Variants in SMG7 observed in about 807,000 individuals in gnomAD.
SMG7 encodes SMG7 nonsense mediated mRNA decay factor, also known as nonsense-mediated mRNA decay factor SMG7.
Under a neutral mutation model 148.2 loss-of-function variants are expected in SMG7, and 34 were observed. The observed-to-expected ratio is 0.23, with a 90% CI of 0.17 to 0.31. The LOEUF (loss-of-function observed/expected upper bound fraction) is 0.31, where lower values mean the gene tolerates loss of function less well. Among genes scored for constraint, SMG7 ranks in the 10% least tolerant of loss-of-function variants. The pLI, the probability that SMG7 is intolerant of heterozygous loss-of-function variation, is 1.00. For missense variants in SMG7, 1,114 were observed against 1,408.4 expected (o/e 0.79, Z 3.35); for synonymous variants, 492 against 515.1 (o/e 0.96, Z 0.61).
chr1:183,495,272 T>C (rs1658208318), intron 1 of SMG7, among the ~76,000 whole-genome samples: 1 of 152,200 alleles, frequency 6.6e-6, no homozygotes, highest in Non-Finnish European at 1.5e-5. Context: ...TTTATAGGCT[T>C]ATAATTTTCA....
intron 1 of SMG7, chr1:183,502,202 G>GTTC (rs1659890270): frequency 1.7e-6 from 2 of 1,208,078 alleles, no homozygotes; most frequent in African/African-American, 3.1e-5. Flanking sequence ...CTTCATAGGG[G>GTTC]TTCTCTGTTA....
At chr1:183,521,180 C>T (rs1339529282) in intron 4 of SMG7, among the ~76,000 whole-genome samples, 2 of 151,588 alleles carry the variant, frequency 1.3e-5, no homozygotes, top group Non-Finnish European at 2.9e-5. Context: ...CTCACTGCAA[C>T]CTCCGCCTCC....
At chr1:183,477,742 ATGTG>A (rs1222751677) in intron 1 of SMG7, among the ~76,000 whole-genome samples, 1 of 146,306 alleles carries the variant, frequency 6.8e-6, no homozygotes. Flanking sequence ...GCATATATAC[ATGTG>A]TGTGCATATG....
At chr1:183,551,787 C>G in intron 22 of SMG7, 31 bp from the exon 23 acceptor site, 2 of 1,530,336 alleles carry the variant, frequency 1.3e-6, no homozygotes, top group Non-Finnish European at 1.8e-6. Flanking sequence ...GGCATTTGAC[C>G]TCTGCTGACA....
intron 1 of SMG7, among the ~76,000 whole-genome samples, chr1:183,507,452 G>A (rs1661175296): frequency 6.6e-6 from 1 of 152,070 alleles, no homozygotes; most frequent in Non-Finnish European, 1.5e-5. Context: ...ATGGTTAGGA[G>A]TTATACTCTG....
At chr1:183,509,779 T>TGTCAG (rs1661730844) in intron 1 of SMG7, among the ~76,000 whole-genome samples, 1 of 152,186 alleles carries the variant, frequency 6.6e-6, no homozygotes, top group Non-Finnish European at 1.5e-5. Flanking sequence ...TTTTGTGACA[T>TGTCAG]TTTTATATTT....
At position 183,546,162 on chromosome 1, in the gene SMG7, C is replaced by T. The variant is rs1669892652; in HGVS notation, c.2567C>T (p.Pro856Leu). The T allele has an allele frequency of 6.2e-7, 1 of 1,613,910 alleles. No homozygotes were observed. Among genetic ancestry groups the T allele is most frequent in the Admixed American group, 1.7e-5 (1 of 59,982 alleles). The change falls in exon 17 of 23, where the codon CCA becomes CTA. Residue 856 changes from proline (P) to leucine (L), a missense_variant. Pro to Leu is a moderately conservative substitution (Grantham distance 98). This residue lies in a region of SMG7 where 788 missense variants were observed against 894.5 expected (regional missense o/e 0.88). Coordinates refer to ENST00000688051, the MANE Select transcript of SMG7 (RefSeq NM_001375584.1). ...AAAATGAAGCCTTTTCCCATGGAGC[C>T]ATATAACCATAATCCCTCAGAAGTC... ...EKKMKPFPME[P>L]YNHNPSEVKV... is the part of the protein sequence containing the mutation.
chr1:183,539,310 G>A (rs917576989), intron 12 of SMG7, among the ~76,000 whole-genome samples: 13 of 151,984 alleles, frequency 8.6e-5, no homozygotes, highest in Admixed American at 3.3e-4. Context: ...TGAGTCCGTC[G>A]ATTTCCTTCC....
chr1:183,490,627 A>C (rs527667470), intron 1 of SMG7, among the ~76,000 whole-genome samples: 1 of 152,334 alleles, frequency 6.6e-6, no homozygotes, highest in East Asian at 1.9e-4. Flanking sequence ...CATTTTATGC[A>C]TATACAGATA....
Position 183,551,903 on chromosome 1 carries a change from G to T in SMG7, c.3536G>T (p.Gly1179Val), listed in dbSNP as rs764572787. 6.2e-7 allele frequency: 1 copy of T among 1,613,760 alleles called. No individual in the cohort carries two copies. Among genetic ancestry groups the T allele is most frequent in the Admixed American group, 1.7e-5 (1 of 60,014 alleles). ...LMQQKQKQQRGQGTMNPPH is the reference protein window; with the variant it reads ...LMQQKQKQQRVQGTMNPPH ...CAGCAGAAGCAGAAACAGCAACGGGGACAAGGCACCATGAACCCTCCACAC... is the reference window on the plus strand; with the variant it reads ...CAGCAGAAGCAGAAACAGCAACGGGTACAAGGCACCATGAACCCTCCACAC... The change falls in exon 23 of 23, where the codon GGA becomes GTA. Residue 1179 changes from glycine (G) to valine (V), a missense_variant. Transcript: ENST00000688051.
chr1:183,523,767 A>G (rs1159588476), intron 4 of SMG7, among the ~76,000 whole-genome samples: 1 of 152,122 alleles, frequency 6.6e-6, no homozygotes, highest in Non-Finnish European at 1.5e-5. Flanking sequence ...GACATTCTAC[A>G]TGATGTTCCA....
At chr1:183,505,039 C>T (rs981386682) in intron 1 of SMG7, among the ~76,000 whole-genome samples, 1 of 151,248 alleles carries the variant, frequency 6.6e-6, no homozygotes, top group Admixed American at 6.6e-5. Flanking sequence ...TATATTTCTC[C>T]TTCTTCAACC....
rs761173198 is a variant in SMG7 at position 183,529,026 on chromosome 1, T to G, written c.691T>G (p.Ser231Ala). Residue 231 changes from serine (S) to alanine (A), a missense_variant, in exon 7 of 23, where the codon TCT becomes GCT. Physicochemically the swap from Ser to Ala is moderately conservative, Grantham distance 99. Coordinates refer to ENST00000688051, the MANE Select transcript of SMG7 (RefSeq NM_001375584.1). ...AASTNLQKAL[S>A]KALESRDEVK... The stretch of plus-strand genomic sequence containing the variant: ...CTCCACTAATCTGCAAAAAGCACTT[T>G]CTAAAGCACTGGAAAGGTAGGGTTG... The G allele has an allele frequency of 7.4e-6, 12 of 1,612,822 alleles. No homozygotes were observed. The South Asian group carries it at 1.2e-4, about 16-fold the overall frequency.
intron 1 of SMG7, among the ~76,000 whole-genome samples, chr1:183,503,073 G>A (rs1368228993): frequency 6.6e-6 from 1 of 152,172 alleles, no homozygotes; most frequent in Non-Finnish European, 1.5e-5. Context: ...TTGCAAGGGT[G>A]GAACCCAAGC....
At chr1:183,504,120 G>A (rs1660369661) in intron 1 of SMG7, among the ~76,000 whole-genome samples, 1 of 151,948 alleles carries the variant, frequency 6.6e-6, no homozygotes, top group African/African-American at 2.4e-5. Context: ...TTCTTGCACT[G>A]ACTTTTATTG....
intron 1 of SMG7, among the ~76,000 whole-genome samples, chr1:183,485,315 A>G (rs1281904228): frequency 6.6e-6 from 1 of 152,168 alleles, no homozygotes; most frequent in Non-Finnish European, 1.5e-5. Context: ...TTATAAACAT[A>G]TATAATCTGA....
chr1:183,477,401 T>G (rs1288750165), intron 1 of SMG7, among the ~76,000 whole-genome samples: 1 of 122,672 alleles, frequency 8.2e-6, no homozygotes. Context: ...TTTTGTTTTG[T>G]GTGTGTGTGT....
chr1:183,537,317 T>A, intron 11 of SMG7, 102 bp downstream of exon 11: 1 of 812,118 alleles, frequency 1.2e-6, no homozygotes, highest in Non-Finnish European at 2.1e-6. Context: ...TGATTGATTT[T>A]AAATTCAGTA....
chr1:183,526,568 T>A (rs1388119728), intron 4 of SMG7, 28 bp from the exon 5 acceptor site: 1 of 1,507,338 alleles, frequency 6.6e-7, no homozygotes, highest in Non-Finnish European at 9.1e-7. Context: ...TGTGACTTAC[T>A]ACTAAATTTT....
Sources: allele counts gnomAD v4.1 joint callset (sites outside exome capture counted in the v4.1 genomes callset), GRCh38; gene constraint gnomAD v4.1.1; regional missense constraint gnomAD v4.1.1; transcripts MANE v1.5; gene names NCBI Gene and HGNC (gene_info 2026-07-23, HGNC 2026-07-21).